Variants in STK32B observed in about 807,000 individuals in gnomAD.
STK32B encodes serine/threonine-protein kinase 32B.
In STK32B, 43 loss-of-function variants were observed where a neutral mutation model predicts 52.6. The observed-to-expected ratio is 0.82, with a 90% CI of 0.64 to 1.05. The LOEUF (loss-of-function observed/expected upper bound fraction) is 1.05, where lower values mean the gene tolerates loss of function less well. Ranked by LOEUF, STK32B falls within the 50% of genes least tolerant of loss-of-function variation. The pLI is 0.00. For missense variants in STK32B, 621 were observed against 534.6 expected, an observed-to-expected ratio of 1.16 and a Z score of -1.59; for synonymous variants, 238 against 204.3, an observed-to-expected ratio of 1.17 and a Z score of -1.41.
rs186617678 is a variant in STK32B at position 5,483,509 on chromosome 4, T to A, written c.1107-15436T>A. ...CTTTATTAGTCTTGCTAGCAGTCTATCAATTTTGTTGACCTTTTCCAAAAA... is the reference window on the plus strand; with the variant it reads ...CTTTATTAGTCTTGCTAGCAGTCTAACAATTTTGTTGACCTTTTCCAAAAA... On this transcript the variant is annotated intron_variant, in intron 11 of 11. Transcript: ENST00000282908. Among the ~76,000 whole-genome samples the A allele has an allele frequency of 1.1e-3, 162 of 152,334 alleles. 1 individual carries two copies. The highest frequency in any genetic ancestry group is 3.8e-3 in the African/African-American group (158 of 41,564).
chr4:5,084,542 G>A (rs1452236252), intron 1 of STK32B, among the ~76,000 whole-genome samples: 1 of 152,156 alleles, frequency 6.6e-6, no homozygotes, highest in Non-Finnish European at 1.5e-5. Context: ...TTCCAAGTAT[G>A]GAAAGAAAAT....
At chr4:5,096,079 C>G (rs377341453) in intron 1 of STK32B, among the ~76,000 whole-genome samples, 18 of 152,120 alleles carry the variant, frequency 1.2e-4, no homozygotes, top group African/African-American at 3.9e-4. Context: ...AAATATTTTT[C>G]TACAATGAGC....
chr4:5,299,643 G>A (rs1560296695), intron 3 of STK32B, among the ~76,000 whole-genome samples: 1 of 152,120 alleles, frequency 6.6e-6, no homozygotes, highest in Non-Finnish European at 1.5e-5. Context: ...TTTTGTACCA[G>A]AATCATGCTG....
intron 4 of STK32B, among the ~76,000 whole-genome samples, chr4:5,389,805 A>T (rs2109034454): frequency 6.6e-6 from 1 of 152,246 alleles, no homozygotes; most frequent in South Asian, 2.1e-4. Context: ...GACTTTGCAG[A>T]TGTGATTTAG....
In STK32B at chr4:5,342,431, T is replaced by C. The variant is rs183074542; in HGVS notation, c.434+11038T>C. Among the ~76,000 whole-genome samples the C allele has an allele frequency of 5.3e-5, 8 of 152,348 alleles. No homozygotes were observed. In the East Asian group the frequency reaches 1.5e-3, roughly 29 times the overall value. On this transcript the variant is annotated intron_variant, in intron 4 of 11. Transcript: ENST00000282908. ...TAAATGAAGCTGGAAACCATCATTC[T>C]GAGCAAACTATCGCAAGGATAGAAA...
At chr4:5,392,513 C>T (rs1431127965) in intron 4 of STK32B, among the ~76,000 whole-genome samples, 1 of 152,088 alleles carries the variant, frequency 6.6e-6, no homozygotes, top group Non-Finnish European at 1.5e-5. Context: ...CTTTAGAATT[C>T]TGGGAACCCC....
At chr4:5,497,567 G>A (rs1292870589) in intron 11 of STK32B, among the ~76,000 whole-genome samples, 1 of 152,178 alleles carries the variant, frequency 6.6e-6, no homozygotes, top group Non-Finnish European at 1.5e-5. Context: ...CCTTGGTCCT[G>A]GGCCTTTGCA....
intron 10 of STK32B, 45 bp downstream of exon 10, chr4:5,466,879 C>T (rs752125656): frequency 6.3e-6 from 10 of 1,590,542 alleles, no homozygotes; most frequent in Non-Finnish European, 8.6e-6. Flanking sequence ...ATCCTGTGCT[C>T]ATAGGGAAAT....
At chr4:5,341,265 C>T (rs975893628) in intron 4 of STK32B, among the ~76,000 whole-genome samples, 1 of 152,174 alleles carries the variant, frequency 6.6e-6, no homozygotes, top group Admixed American at 6.5e-5. Flanking sequence ...AGCTAGTTAG[C>T]AGTGGAAATG....
rs79256148 is a variant in STK32B at position 5,399,154 on chromosome 4, C to A, written c.472+910C>A. ...GACTTACAGCCTTCAAAACTAAATT[C>A]ACTGGCATTGCTTCAGGGGCCCGTC... On this transcript the variant is annotated intron_variant, in intron 5 of 11. Transcript: ENST00000282908. The surrounding 1 kb of genome is among the most constrained non-coding windows in gnomAD (Gnocchi z 5.4). Among the ~76,000 whole-genome samples, 190 of 152,322 alleles carry A rather than the reference C, an allele frequency of 1.2e-3. 2 individuals carry two copies. The East Asian group carries it at 0.028, about 23-fold the overall frequency.
chr4:5,466,232 C>T (rs1717422817), intron 9 of STK32B, among the ~76,000 whole-genome samples: 1 of 152,152 alleles, frequency 6.6e-6, no homozygotes, highest in Non-Finnish European at 1.5e-5. Context: ...GGTCAGCTGA[C>T]TCTAGCTGCC....
rs76341100 is a variant in STK32B at position 5,077,522 on chromosome 4, T to C, written c.52+25607T>C. Reference sequence around the variant, plus strand: ...CAGCAATCAGAATGGGTGCTTGAGGTAGAGCCTCTCCCTGGCTGACCCCAT... The same window carrying C: ...CAGCAATCAGAATGGGTGCTTGAGGCAGAGCCTCTCCCTGGCTGACCCCAT... On this transcript the variant is annotated intron_variant, in intron 1 of 11. Transcript: ENST00000282908. Among the ~76,000 whole-genome samples, 28 of 152,270 alleles carry C rather than the reference T, an allele frequency of 1.8e-4. No individual in the cohort carries two copies. In the East Asian group the frequency reaches 5.4e-3, roughly 29 times the overall value.
At chr4:5,336,127 T>G (rs1732673650) in intron 4 of STK32B, among the ~76,000 whole-genome samples, 1 of 146,412 alleles carries the variant, frequency 6.8e-6, no homozygotes, top group South Asian at 2.2e-4. Context: ...CAATGTTATC[T>G]GAACATAATC....
At chr4:5,029,473 G>A in the STK32B span, among the ~76,000 whole-genome samples, 1 of 152,134 alleles carries the variant, frequency 6.6e-6, no homozygotes, top group Non-Finnish European at 1.5e-5. Flanking sequence ...AACGGATGCT[G>A]GTGGCCCTCA....
At chr4:5,445,625 G>A (rs894874371) in intron 6 of STK32B, among the ~76,000 whole-genome samples, 2 of 152,126 alleles carry the variant, frequency 1.3e-5, no homozygotes, top group African/African-American at 2.4e-5. Context: ...CCACTCTTGG[G>A]CCTCCATCCC....
chr4:5,314,082 T>A (rs1307665903), intron 3 of STK32B, among the ~76,000 whole-genome samples: 2 of 151,758 alleles, frequency 1.3e-5, no homozygotes, highest in Non-Finnish European at 2.9e-5. Context: ...TTAAAATTAA[T>A]GTGAAATGTC....
Position 5,466,849 on chromosome 4 carries a change from G to T in STK32B, c.1041+15G>T. ...GCTGCCCGCTGGTGAGTGCTTCGTG[G>T]GAGCCGTTCCGGGAGAGAAATCCTG... On this transcript the variant is annotated intron_variant, in intron 10 of 11. Coordinates refer to ENST00000282908, the MANE Select transcript of STK32B (RefSeq NM_018401.3). 6.2e-7 allele frequency: 1 copy of T among 1,610,004 alleles called. No individual in the cohort carries two copies. The highest frequency in any genetic ancestry group is 8.5e-7 in the Non-Finnish European group (1 of 1,178,196).
chr4:5,070,198 C>G (rs934998832), intron 1 of STK32B, among the ~76,000 whole-genome samples: 1 of 152,190 alleles, frequency 6.6e-6, no homozygotes, highest in African/African-American at 2.4e-5. Flanking sequence ...TTGGCTGAAC[C>G]CTCGTGCTAC....
At chr4:5,027,889 G>C in the STK32B span, among the ~76,000 whole-genome samples, 2 of 152,180 alleles carry the variant, frequency 1.3e-5, no homozygotes, top group Admixed American at 1.3e-4. Flanking sequence ...GCAGAGCTGG[G>C]AGATGGATGG....
Sources: gnomAD v4.1 joint callset for allele counts (sites outside exome capture counted in the v4.1 genomes callset) on GRCh38, gnomAD v4.1.1 for gene constraint, Gnocchi (gnomAD v3.1) non-coding constraint, MANE v1.5 for transcripts, NCBI Gene and HGNC (gene_info 2026-07-23, HGNC 2026-07-21) for gene names.